KCNAB1: variants seen among roughly 807,000 people sequenced by gnomAD.
KCNAB1 encodes the protein potassium voltage-gated channel subfamily A regulatory beta subunit 1, also known as voltage-gated potassium channel subunit beta-1.
A neutral mutation model predicts 64.6 loss-of-function variants in KCNAB1; 35 were observed. The ratio of observed to expected loss-of-function variants is 0.54; its 90% CI spans 0.41 to 0.72. KCNAB1 has a LOEUF of 0.72. Among genes scored for constraint, KCNAB1 ranks in the 30% least tolerant of loss-of-function variants. The probability of loss-of-function intolerance (pLI) is 0.00; values close to 1 mark genes in which losing one functional copy is unlikely to be tolerated. For missense variants in KCNAB1, 401 were observed against 512.9 expected (o/e 0.78, Z 2.11); for synonymous variants, 177 against 183.8 (o/e 0.96, Z 0.30).
chr3:156,410,010 G>A (rs1028492441), intron 1 of KCNAB1, among the ~76,000 whole-genome samples: 5 of 152,152 alleles, frequency 3.3e-5, no homozygotes, highest in African/African-American at 1.2e-4. Flanking sequence ...TAGCTACTGA[G>A]TAAGCATGTG....
intron 1 of KCNAB1, among the ~76,000 whole-genome samples, chr3:156,164,970 A>G (rs1371805775): frequency 1.3e-5 from 2 of 152,194 alleles, no homozygotes; most frequent in Non-Finnish European, 2.9e-5. Context: ...TTTGATGTTG[A>G]AAGAAGATCC....
intron 1 of KCNAB1, among the ~76,000 whole-genome samples, chr3:156,398,194 T>C (rs1487440580): frequency 1.3e-5 from 2 of 151,598 alleles, no homozygotes; most frequent in African/African-American, 4.9e-5. Context: ...TGAGAACACA[T>C]GGACACAAGG....
chr3:156,300,907 TATAG>T (rs1721114931), intron 1 of KCNAB1, among the ~76,000 whole-genome samples: 1 of 152,222 alleles, frequency 6.6e-6, no homozygotes, highest in Non-Finnish European at 1.5e-5. Flanking sequence ...GATATATTCT[TATAG>T]ATAATTTATT....
intron 1 of KCNAB1, among the ~76,000 whole-genome samples, chr3:156,229,898 A>G (rs141916878): frequency 6.6e-6 from 1 of 152,314 alleles, no homozygotes; most frequent in African/African-American, 2.4e-5. Flanking sequence ...CTATGTAGGA[A>G]GAGCCTATGT....
At chr3:156,406,517 G>C (rs1344654026) in intron 1 of KCNAB1, among the ~76,000 whole-genome samples, 1 of 152,070 alleles carries the variant, frequency 6.6e-6, no homozygotes, top group Non-Finnish European at 1.5e-5. Context: ...TTTTGGAGCT[G>C]GATCTTGAAT....
At chr3:156,504,796 C>A (rs1716720704) in intron 8 of KCNAB1, among the ~76,000 whole-genome samples, 1 of 106,484 alleles carries the variant, frequency 9.4e-6, no homozygotes, top group South Asian at 3.3e-4. Context: ...CTTGTATATT[C>A]TGAAAATTAA....
intron 8 of KCNAB1, among the ~76,000 whole-genome samples, chr3:156,492,450 C>T (rs978147038): frequency 6.6e-6 from 1 of 152,018 alleles, no homozygotes; most frequent in African/African-American, 2.4e-5. Flanking sequence ...AGCACTCACT[C>T]TCCAAGCCCT....
intron 1 of KCNAB1, among the ~76,000 whole-genome samples, chr3:156,329,074 C>A (rs1379583848): frequency 6.6e-6 from 1 of 152,140 alleles, no homozygotes; most frequent in Non-Finnish European, 1.5e-5. Context: ...CTGCACTTAT[C>A]TTTTTGCTGG....
intron 1 of KCNAB1, among the ~76,000 whole-genome samples, chr3:156,278,755 C>G (rs1007016517): frequency 6.6e-6 from 1 of 151,910 alleles, no homozygotes; most frequent in African/African-American, 2.4e-5. Context: ...CATCAAAACT[C>G]GCAGAGTCGG....
At chr3:156,169,331 T>A (rs577876734) in intron 1 of KCNAB1, among the ~76,000 whole-genome samples, 1 of 152,328 alleles carries the variant, frequency 6.6e-6, no homozygotes, top group East Asian at 1.9e-4. Context: ...GAGCTCAATC[T>A]ATATAATGGA....
chr3:156,282,017 G>C (rs1197504017), intron 1 of KCNAB1, among the ~76,000 whole-genome samples: 1 of 151,242 alleles, frequency 6.6e-6, no homozygotes, highest in African/African-American at 2.5e-5. Flanking sequence ...GCTTTTGAAT[G>C]TGTTTGCTCT....
chr3:156,309,937 A>G (rs1231171438), intron 1 of KCNAB1, among the ~76,000 whole-genome samples: 4 of 152,230 alleles, frequency 2.6e-5, no homozygotes, highest in Admixed American at 6.5e-5. Flanking sequence ...AATGTTTTCT[A>G]TTGTTCAGGG....
chr3:156,210,535 A>G (rs1193890885), intron 1 of KCNAB1, among the ~76,000 whole-genome samples: 1 of 152,196 alleles, frequency 6.6e-6, no homozygotes, highest in Non-Finnish European at 1.5e-5. Context: ...CGCATCATCC[A>G]TTCATCTCTG....
intron 8 of KCNAB1, among the ~76,000 whole-genome samples, chr3:156,483,158 A>G (rs1449953823): frequency 1.3e-5 from 2 of 152,196 alleles, no homozygotes; most frequent in Admixed American, 6.5e-5. Flanking sequence ...GTGTGATTAT[A>G]TAGGTCAAAT....
At chr3:156,340,871 T>C (rs1168334771) in intron 1 of KCNAB1, among the ~76,000 whole-genome samples, 4 of 152,244 alleles carry the variant, frequency 2.6e-5, no homozygotes, top group South Asian at 2.1e-4. Flanking sequence ...CAAAATATAA[T>C]GGCAGGCTAT....
intron 1 of KCNAB1, among the ~76,000 whole-genome samples, chr3:156,129,043 C>CT (rs11391777): frequency 0.61 from 92,071 of 151,934 alleles, 28,307 homozygotes; most frequent in Admixed American, 0.73. Context: ...CTTCCCGGGG[C>CT]TTTTATAGTC....
intron 13 of KCNAB1, among the ~76,000 whole-genome samples, chr3:156,533,268 T>A (rs6785996): frequency 6.6e-6 from 1 of 152,124 alleles, no homozygotes; most frequent in Admixed American, 6.5e-5. Context: ...AATATGTTTA[T>A]TCCGAGGGCT....
intron 1 of KCNAB1, among the ~76,000 whole-genome samples, chr3:156,257,516 C>T (rs939434799): frequency 6.6e-6 from 1 of 152,178 alleles, no homozygotes; most frequent in Non-Finnish European, 1.5e-5. Flanking sequence ...CAGAGCCCTA[C>T]TCTGAGGACA....
At chr3:156,181,212 A>T (rs765712483) in intron 1 of KCNAB1, among the ~76,000 whole-genome samples, 10 of 152,158 alleles carry the variant, frequency 6.6e-5, no homozygotes, top group Non-Finnish European at 1.5e-4. Flanking sequence ...CCTTCAACAT[A>T]TGGGTTTTGA....
Sources: gnomAD v4.1 joint callset for allele counts (sites outside exome capture counted in the v4.1 genomes callset) on GRCh38, gnomAD v4.1.1 for gene constraint, MANE v1.5 for transcripts, NCBI Gene and HGNC (gene_info 2026-07-23, HGNC 2026-07-21) for gene names.